RASSF6: variants seen among roughly 807,000 people sequenced by gnomAD.
The protein encoded by RASSF6 is ras association domain-containing protein 6.
A neutral mutation model predicts 44.0 loss-of-function variants in RASSF6; 52 were observed. The ratio of observed to expected loss-of-function variants is 1.18; its 90% CI spans 0.95 to 1.49. RASSF6 has a LOEUF of 1.49. RASSF6 is among the 40% of genes most tolerant of loss of function. RASSF6 has a pLI of 0.00. For missense variants in RASSF6, 464 were observed against 393.3 expected (o/e 1.18, Z -1.52); for synonymous variants, 162 against 124.6 (o/e 1.30, Z -2.00).
In RASSF6 at chr4:73,598,717, C is replaced by T. The variant is rs1281639610; in HGVS notation, c.67G>A (p.Glu23Lys). ...GTCTTCAATAAAGAATTAAGTTGTTCCCTAAAAATAAAAAAAAATTAATTA... is the reference window on the plus strand; with the variant it reads ...GTCTTCAATAAAGAATTAAGTTGTTTCCTAAAAATAAAAAAAAATTAATTA... The part of the protein sequence containing the change: ...FINEKTFITR[E>K]QLNSLLKTYN... The change falls in exon 3 of 11, where the codon GAA becomes AAA. Residue 23 changes from glutamate (E) to lysine (K), a missense_variant and splice_region_variant. Glu to Lys is a moderately conservative substitution (Grantham distance 56). Coordinates refer to ENST00000307439, the MANE Select transcript of RASSF6 (RefSeq NM_177532.5). 4.9e-6 allele frequency: 6 copies of T among 1,221,676 alleles called. No individual in the cohort carries two copies. The highest frequency in any genetic ancestry group is 6.5e-6 in the Non-Finnish European group (6 of 917,810). 75.7% of individuals were successfully genotyped at this position (1,221,676 alleles called of 1,614,324 possible). A position where few individuals can be genotyped will look rare whatever the true frequency, so the allele number is the denominator to read the frequency against.
At chr4:73,585,006 A>C (rs1723963386) in intron 6 of RASSF6, among the ~76,000 whole-genome samples, 174 bp downstream of exon 6, 1 of 152,134 alleles carries the variant, frequency 6.6e-6, no homozygotes, top group Non-Finnish European at 1.5e-5. Flanking sequence ...ATTCAGTAAA[A>C]ATCTATTTAA....
intron 2 of RASSF6, among the ~76,000 whole-genome samples, chr4:73,607,509 T>A (rs1259616440): frequency 6.6e-6 from 1 of 152,218 alleles, no homozygotes; most frequent in African/African-American, 2.4e-5. Context: ...TTCTTGGAAC[T>A]CTTGTTTAAA....
At chr4:73,586,213 C>T (rs1724076158) in intron 5 of RASSF6, among the ~76,000 whole-genome samples, 1 of 151,774 alleles carries the variant, frequency 6.6e-6, no homozygotes, top group Non-Finnish European at 1.5e-5. Flanking sequence ...CTTTTTAGAA[C>T]ATTCCAGATG....
chr4:73,612,435 G>C (rs1249870847), intron 1 of RASSF6, among the ~76,000 whole-genome samples: 1 of 151,140 alleles, frequency 6.6e-6, no homozygotes, highest in Non-Finnish European at 1.5e-5. Flanking sequence ...AGATTTTAGG[G>C]GATAGAGCCA....
At chr4:73,592,577 G>A (rs762016399) in intron 4 of RASSF6, among the ~76,000 whole-genome samples, 1 of 152,140 alleles carries the variant, frequency 6.6e-6, no homozygotes, top group Middle Eastern at 3.2e-3. Flanking sequence ...GAAAAAATCA[G>A]CCCAACCTGG....
At chr4:73,582,812 A>G (rs1208184231) in intron 6 of RASSF6, among the ~76,000 whole-genome samples, 1 of 150,514 alleles carries the variant, frequency 6.6e-6, no homozygotes, top group Non-Finnish European at 1.5e-5. Context: ...GTATACAGAC[A>G]CAAACATTTA....
chr4:73,578,184 G>A (rs1037856497), intron 8 of RASSF6, among the ~76,000 whole-genome samples: 1 of 152,054 alleles, frequency 6.6e-6, no homozygotes, highest in Non-Finnish European at 1.5e-5. Flanking sequence ...ACGCTTGTTC[G>A]TTCATAGGTC....
At position 73,574,557 on chromosome 4, in the gene RASSF6, T is replaced by C. The variant is rs1015039558; in HGVS notation, c.*1678A>G. On this transcript the variant is annotated 3_prime_UTR_variant, in exon 11 of 11. Coordinates refer to ENST00000307439, the MANE Select transcript of RASSF6 (RefSeq NM_177532.5). ...TTGTTAGGATTCTTTCCCTCAGCCTTAGGGTACCTTCTCTTTTCATCTTTA... is the reference window on the plus strand; with the variant it reads ...TTGTTAGGATTCTTTCCCTCAGCCTCAGGGTACCTTCTCTTTTCATCTTTA... The C allele has an allele frequency of 9.2e-5, 14 of 152,182 alleles. No homozygotes were observed. Among genetic ancestry groups the C allele is most frequent in the African/African-American group, 3.1e-4 (13 of 41,438 alleles). 9.4% of individuals were successfully genotyped at this position (152,182 alleles called of 1,614,324 possible).
chr4:73,585,014 T>A (rs867374561), intron 6 of RASSF6, among the ~76,000 whole-genome samples, 166 bp downstream of exon 6: 61 of 152,264 alleles, frequency 4.0e-4, no homozygotes, highest in Middle Eastern at 3.4e-3. Flanking sequence ...AAAATCTATT[T>A]AAAACACATT....
At chr4:73,609,418 C>A (rs771765781) in intron 2 of RASSF6, among the ~76,000 whole-genome samples, 2 of 152,272 alleles carry the variant, frequency 1.3e-5, no homozygotes, top group Non-Finnish European at 2.9e-5. Context: ...TAACCTGTGC[C>A]AATACCCTTT....
intron 2 of RASSF6, among the ~76,000 whole-genome samples, chr4:73,602,265 T>C (rs1725325485): frequency 6.6e-6 from 1 of 152,098 alleles, no homozygotes; most frequent in Non-Finnish European, 1.5e-5. Flanking sequence ...ATACTAAGGA[T>C]CACTAGGTAG....
chr4:73,576,754 C>A (rs1723264290), intron 8 of RASSF6, 23 bp from the exon 9 acceptor site: 1 of 1,368,582 alleles, frequency 7.3e-7, no homozygotes, highest in Non-Finnish European at 1.0e-6. Context: ...CAAGAATCAA[C>A]CACAATCAGA....
intron 3 of RASSF6, among the ~76,000 whole-genome samples, chr4:73,594,868 A>G (rs1372063618): frequency 6.6e-6 from 1 of 152,244 alleles, no homozygotes; most frequent in African/African-American, 2.4e-5. Context: ...CTCTGAAAAG[A>G]AAAACAAAAC....
At chr4:73,598,844 C>T in intron 2 of RASSF6, 126 bp from the exon 3 acceptor site, 1 of 487,422 alleles carries the variant, frequency 2.1e-6, no homozygotes, top group African/African-American at 2.0e-5. Flanking sequence ...TGTTCTGTCA[C>T]TTTAACTTAA....
intron 2 of RASSF6, among the ~76,000 whole-genome samples, chr4:73,602,346 G>A (rs1011604496): frequency 7.2e-5 from 11 of 152,226 alleles, no homozygotes; most frequent in African/African-American, 2.7e-4. Flanking sequence ...TGCAACACTA[G>A]TGTGGTAGAG....
intron 3 of RASSF6, among the ~76,000 whole-genome samples, chr4:73,594,751 C>T (rs1724816432): frequency 6.6e-6 from 1 of 152,118 alleles, no homozygotes. Context: ...CAATTTATTC[C>T]TTGAAATGAC....
rs563893815 is a variant in RASSF6, at chr4:73,572,665, A to G, written c.*3570T>C. The G allele has an allele frequency of 6.6e-6, 1 of 152,210 alleles. No individual in the cohort carries two copies. Among genetic ancestry groups the G allele is most frequent in the South Asian group, 2.1e-4 (1 of 4,836 alleles). The allele number at this position is 152,210 out of a possible 1,614,324, so 9.4% of individuals were successfully genotyped here. A position where few individuals can be genotyped will look rare whatever the true frequency, so the allele number is the denominator to read the frequency against. ...ATAAAACTACCACAGAAGTGATGTT[A>G]ATGTCTCATTTGAATAATTGATTTG... On this transcript the variant is annotated 3_prime_UTR_variant, in exon 11 of 11. Transcript: ENST00000307439.
chr4:73,591,657 C>T (rs1724568970), intron 4 of RASSF6, among the ~76,000 whole-genome samples: 1 of 152,150 alleles, frequency 6.6e-6, no homozygotes, highest in South Asian at 2.1e-4. Context: ...CTGGAGGCTG[C>T]TGCCTCCCTT....
At chr4:73,588,032 C>T in intron 4 of RASSF6, 98 bp from the exon 5 acceptor site, 1 of 693,970 alleles carries the variant, frequency 1.4e-6, no homozygotes, top group Non-Finnish European at 2.5e-6. Flanking sequence ...ATACTGTGGG[C>T]CTCTGTAGGT....
Sources: allele counts gnomAD v4.1 joint callset (sites outside exome capture counted in the v4.1 genomes callset), GRCh38; gene constraint gnomAD v4.1.1; transcripts MANE v1.5; gene names NCBI Gene and HGNC (gene_info 2026-07-23, HGNC 2026-07-21).